Variants in DNAJB4 observed in about 807,000 individuals in gnomAD.
The protein encoded by DNAJB4 is dnaJ homolog subfamily B member 4.
A neutral mutation model predicts 26.6 loss-of-function variants in DNAJB4; 10 were observed. That is an observed-to-expected ratio of 0.38 (90% CI 0.23 to 0.64). The LOEUF (loss-of-function observed/expected upper bound fraction) is 0.64, where lower values mean the gene tolerates loss of function less well. DNAJB4 is among the 30% of genes least tolerant of loss of function. The probability of loss-of-function intolerance (pLI) is 0.58; values close to 1 mark genes in which losing one functional copy is unlikely to be tolerated. For missense variants in DNAJB4, 328 were observed against 408.2 expected (o/e 0.80, Z 1.69); for synonymous variants, 136 against 134.8 (o/e 1.01, Z -0.06).
upstream of DNAJB4, among the ~76,000 whole-genome samples, chr1:78,003,327 A>G (rs1660237570): frequency 1.3e-5 from 2 of 151,780 alleles, no homozygotes; most frequent in South Asian, 4.1e-4. Flanking sequence ...AAAAAAATTG[A>G]TAAATAGCTG....
intron 1 of DNAJB4, among the ~76,000 whole-genome samples, chr1:78,005,903 T>G (rs550473683): frequency 7.1e-4 from 108 of 152,374 alleles, no homozygotes; most frequent in African/African-American, 2.5e-3. Context: ...TTTTTGGCAT[T>G]CTGCCTGGAG....
intron 1 of DNAJB4, among the ~76,000 whole-genome samples, chr1:77,997,690 AATCT>A (rs1660095478): frequency 6.6e-6 from 1 of 152,090 alleles, no homozygotes; most frequent in Non-Finnish European, 1.5e-5. Context: ...TCTCTGTCAA[AATCT>A]ATCAGTCTTT....
intron 1 of DNAJB4, among the ~76,000 whole-genome samples, chr1:77,998,568 G>A (rs1395058448): frequency 6.6e-6 from 1 of 152,106 alleles, no homozygotes; most frequent in Non-Finnish European, 1.5e-5. Context: ...AGCTGAGTGC[G>A]GTGGCTCAGA....
Sources: gnomAD v4.1 joint callset for allele counts (sites outside exome capture counted in the v4.1 genomes callset) on GRCh38, gnomAD v4.1.1 for gene constraint, MANE v1.5 for transcripts, NCBI Gene and HGNC (gene_info 2026-07-23, HGNC 2026-07-21) for gene names.